RGS3: variants seen among roughly 807,000 people sequenced by gnomAD.
RGS3 encodes regulator of G-protein signalling 3.
A neutral mutation model predicts 132.6 loss-of-function variants in RGS3; 80 were observed. The observed-to-expected ratio is 0.60, with a 90% CI of 0.50 to 0.73. RGS3 has a LOEUF of 0.73. RGS3 is among the 30% of genes least tolerant of loss of function. The pLI is 0.00. For synonymous variants in RGS3, 598 were observed against 620.6 expected, an observed-to-expected ratio of 0.96 and a Z score of 0.54; for missense variants, 1,382 against 1,530.8, an observed-to-expected ratio of 0.90 and a Z score of 1.62.
intron 7 of RGS3, among the ~76,000 whole-genome samples, chr9:113,487,560 G>A (rs1435043847): frequency 6.6e-6 from 1 of 152,210 alleles, no homozygotes; most frequent in Non-Finnish European, 1.5e-5. Context: ...CCAGGTGGTT[G>A]GACCCCAGGG....
intron 7 of RGS3, 142 bp downstream of exon 5, chr9:113,485,835 C>T: frequency 1.6e-6 from 1 of 613,078 alleles, no homozygotes; most frequent in Non-Finnish European, 2.9e-6. Context: ...AGAGGCTGCC[C>T]CTCCTTGAGT....
intron 19 of RGS3, among the ~76,000 whole-genome samples, chr9:113,576,542 G>A (rs1834534243): frequency 6.6e-6 from 1 of 152,150 alleles, no homozygotes; most frequent in African/African-American, 2.4e-5. Context: ...ATGTTGGCCA[G>A]TATGGTCTCG....
intron 15 of RGS3, among the ~76,000 whole-genome samples, chr9:113,515,587 C>T (rs1413386737): frequency 1.3e-5 from 2 of 151,816 alleles, no homozygotes; most frequent in Non-Finnish European, 2.9e-5. Flanking sequence ...GCCGAGATCA[C>T]ACCACTGCAC....
chr9:113,586,310 C>T (rs140178440), intron 20 of RGS3, among the ~76,000 whole-genome samples: 6 of 152,200 alleles, frequency 3.9e-5, no homozygotes, highest in Admixed American at 3.3e-4. Flanking sequence ...CAGTTCTATT[C>T]CCCTCACCAC....
intron 19 of RGS3, among the ~76,000 whole-genome samples, chr9:113,557,499 G>A (rs1342111965): frequency 6.6e-6 from 1 of 152,250 alleles, no homozygotes; most frequent in Non-Finnish European, 1.5e-5. Context: ...CCTCTCCCTG[G>A]AGTGGGAGAT....
At chr9:113,566,226 G>A (rs1043783620) in intron 19 of RGS3, among the ~76,000 whole-genome samples, 1 of 152,102 alleles carries the variant, frequency 6.6e-6, no homozygotes, top group Non-Finnish European at 1.5e-5. Flanking sequence ...TCCCTGAGAC[G>A]GCCTCTGCTG....
In RGS3 at chr9:113,555,502, C is replaced by G. The variant is rs1421940558; in HGVS notation, c.2037+18584C>G. Among the ~76,000 whole-genome samples, 3 of 151,792 alleles carry G rather than the reference C, an allele frequency of 2.0e-5. No homozygotes were observed. In the East Asian group the frequency reaches 5.8e-4, roughly 29 times the overall value. On this transcript the variant is annotated intron_variant, in intron 19 of 24. Transcript: ENST00000350696. Reference sequence around the variant, plus strand: ...TTTTTTTTAAAGACAGAGTCTCGCTCTGTCGCCCAGGCTGGAGTGTAGTGG... The same window carrying G: ...TTTTTTTTAAAGACAGAGTCTCGCTGTGTCGCCCAGGCTGGAGTGTAGTGG...
chr9:113,595,486 G>A, intron 23 of RGS3, 113 bp from the exon 22 acceptor site: 3 of 1,207,186 alleles, frequency 2.5e-6, no homozygotes, highest in Non-Finnish European at 3.5e-6. Flanking sequence ...GACGGGCATT[G>A]TACTCAGCTC....
At chr9:113,556,638 G>A (rs559009223) in intron 19 of RGS3, among the ~76,000 whole-genome samples, 86 of 152,216 alleles carry the variant, frequency 5.6e-4, no homozygotes, top group Admixed American at 4.5e-3. Context: ...CCTGCCTGTC[G>A]GGTCCCAACC....
At position 113,485,623 on chromosome 9, in the gene RGS3, AGTCCT is replaced by A. The variant is rs773449990; in HGVS notation, c.624_628del (p.Val209ArgfsTer4). On this transcript the variant is annotated splice_acceptor_variant and coding_sequence_variant, in exon 7 of 25. Coordinates refer to ENST00000350696, the Ensembl canonical transcript of RGS3. LOFTEE classifies it high-confidence loss of function. Reference sequence around the variant, plus strand: ...ACTCCGATGGTCTGATTGATTTCGCAGTCCTGTCCAAGAGGAGGATGATCAGAAGC... The same window carrying A: ...ACTCCGATGGTCTGATTGATTTCGCAGTCCAAGAGGAGGATGATCAGAAGC... 35 of 1,594,224 alleles carry A rather than the reference AGTCCT, an allele frequency of 2.2e-5. No homozygotes were observed. Among genetic ancestry groups the A allele is most frequent in the Middle Eastern group, 1.7e-4 (1 of 6,056 alleles).
In RGS3 at chr9:113,501,312, G is replaced by T. The variant is rs1475925335; in HGVS notation, c.897+3232G>T. ...GCGCCCTCTCCCCGCCGGGCCCGGGGAATACTAACTAGTTGACAGGAATTT... is the reference window on the plus strand; with the variant it reads ...GCGCCCTCTCCCCGCCGGGCCCGGGTAATACTAACTAGTTGACAGGAATTT... On this transcript the variant is annotated intron_variant, in intron 10 of 24. Transcript: ENST00000350696. 3 of 940,826 alleles carry T rather than the reference G, an allele frequency of 3.2e-6. No individual in the cohort carries two copies. The East Asian group carries it at 8.2e-5, about 26-fold the overall frequency. The allele number at this position is 940,826 out of a possible 1,614,324, so 58.3% of individuals were successfully genotyped here. A position where few individuals can be genotyped will look rare whatever the true frequency, so the allele number is the denominator to read the frequency against.
At chr9:113,531,807 G>A (rs1832479309) in intron 18 of RGS3, among the ~76,000 whole-genome samples, 1 of 152,212 alleles carries the variant, frequency 6.6e-6, no homozygotes, top group Admixed American at 6.5e-5. Flanking sequence ...CTGAAAAATG[G>A]TAGCAGCTGC....
At chr9:113,523,106 G>A in intron 17 of RGS3, 65 bp downstream of exon 15, 1 of 1,063,186 alleles carries the variant, frequency 9.4e-7, no homozygotes, top group Non-Finnish European at 1.5e-6. Context: ...GCTCTGGGCA[G>A]CCCTCTGGGA....
In RGS3 at chr9:113,531,229, T is replaced by C. The variant is rs557125080; in HGVS notation, c.1914+1965T>C. Among the ~76,000 whole-genome samples, 15 of 152,356 alleles carry C rather than the reference T, an allele frequency of 9.8e-5. 1 individual carries two copies. The South Asian group carries it at 2.7e-3, about 27-fold the overall frequency. On this transcript the variant is annotated intron_variant, in intron 18 of 24. Transcript: ENST00000350696. ...GGACAGATGCAGCCCACAATTGGCT[T>C]CAGAACACAGAAGGCTCTGAAGTCA...
At chr9:113,588,674 CAT>C (rs762992661) in intron 20 of RGS3, among the ~76,000 whole-genome samples, 2 of 152,254 alleles carry the variant, frequency 1.3e-5, no homozygotes, top group Admixed American at 6.5e-5. Context: ...CGGCACCTGA[CAT>C]GTAGTGAACG....
In RGS3 at chr9:113,497,990, CAGA is replaced by C. The variant is rs1830740827; in HGVS notation, c.842-32_842-30del. On this transcript the variant is annotated intron_variant, in intron 9 of 24. Transcript: ENST00000350696. ...CGAGGAGGGGAGACTTCTCTGCCAC[CAGA>C]AGTTTTCTGATTCTGCTCTGTCACC... 1.9e-6 allele frequency: 3 copies of C among 1,611,428 alleles called. No homozygotes were observed. The East Asian group carries it at 6.7e-5, about 36-fold the overall frequency.
chr9:113,453,291 C>T (rs1270832657), intron 1 of RGS3, among the ~76,000 whole-genome samples: 7 of 63,974 alleles, frequency 1.1e-4, no homozygotes, highest in African/African-American at 3.1e-4. Flanking sequence ...TATATGATTA[C>T]ATAATATACT....
At chr9:113,578,415 A>G (rs1834634866) in intron 19 of RGS3, among the ~76,000 whole-genome samples, 1 of 152,224 alleles carries the variant, frequency 6.6e-6, no homozygotes, top group Admixed American at 6.5e-5. Flanking sequence ...AGGTTAAGCC[A>G]AAGGTCACCC....
chr9:113,553,030 T>G (rs1833402542), intron 19 of RGS3, among the ~76,000 whole-genome samples: 1 of 152,164 alleles, frequency 6.6e-6, no homozygotes, highest in African/African-American at 2.4e-5. Flanking sequence ...AATCAATAAT[T>G]ACTAATATAT....
Sources: allele counts gnomAD v4.1 joint callset (sites outside exome capture counted in the v4.1 genomes callset), GRCh38; gene constraint gnomAD v4.1.1; transcripts MANE v1.5; gene names NCBI Gene and HGNC (gene_info 2026-07-23, HGNC 2026-07-21).